The following ADAM12 variants were observed in gnomAD, a reference collection of about 807,000 sequenced individuals.
ADAM12 encodes the protein ADAM metallopeptidase domain 12, also known as disintegrin and metalloproteinase domain-containing protein 12.
ADAM12 carries 70 observed loss-of-function variants against 106.4 expected under a neutral mutation model. That is an observed-to-expected ratio of 0.66 (90% confidence interval 0.54 to 0.80). The LOEUF (loss-of-function observed/expected upper bound fraction) is 0.80, where lower values mean the gene tolerates loss of function less well. Among genes scored for constraint, ADAM12 ranks in the 30% least tolerant of loss-of-function variants. ADAM12 has a pLI of 0.00. For missense variants in ADAM12, 1,010 were observed against 1,171.9 expected, an observed-to-expected ratio of 0.86 and a Z score of 2.02; for synonymous variants, 420 against 433.5, an observed-to-expected ratio of 0.97 and a Z score of 0.39.
chr10:126,326,347 G>A (rs1854302119), intron 2 of ADAM12, among the ~76,000 whole-genome samples: 1 of 152,132 alleles, frequency 6.6e-6, no homozygotes, highest in African/African-American at 2.4e-5. Context: ...AGTATACATA[G>A]TAAGTCAATG....
At chr10:126,098,546 G>A (rs997262700) in intron 9 of ADAM12, 46 bp from the exon 10 acceptor site, 5 of 1,495,278 alleles carry the variant, frequency 3.3e-6, no homozygotes, top group Non-Finnish European at 4.7e-6. Context: ...TTAGAACGGG[G>A]GCATTCTCTA....
At chr10:126,288,690 G>A (rs912509590) in intron 2 of ADAM12, among the ~76,000 whole-genome samples, 19 of 151,790 alleles carry the variant, frequency 1.3e-4, no homozygotes, top group African/African-American at 4.6e-4. Context: ...GTGACGTGGT[G>A]ATCCAGGGAC....
At chr10:126,336,890 T>C (rs556545086) in intron 1 of ADAM12, among the ~76,000 whole-genome samples, 28 of 152,152 alleles carry the variant, frequency 1.8e-4, no homozygotes, top group Non-Finnish European at 3.7e-4. Context: ...CACCACACGC[T>C]CTCAATGACC....
chr10:126,035,022 A>G (rs1954033623), intron 21 of ADAM12, among the ~76,000 whole-genome samples: 1 of 152,166 alleles, frequency 6.6e-6, no homozygotes, highest in Admixed American at 6.5e-5. Context: ...GATGAACTCA[A>G]AGGAGACACA....
At chr10:126,202,399 T>C (rs992924613) in intron 3 of ADAM12, among the ~76,000 whole-genome samples, 2 of 152,242 alleles carry the variant, frequency 1.3e-5, no homozygotes, top group African/African-American at 2.4e-5. Context: ...ATTTAATGAC[T>C]ATCCAATGAC....
At chr10:126,241,978 AAC>A (rs1303763414) in intron 3 of ADAM12, among the ~76,000 whole-genome samples, 1 of 143,814 alleles carries the variant, frequency 7.0e-6, no homozygotes, top group Non-Finnish European at 1.5e-5. Flanking sequence ...TTTTTTTTTT[AAC>A]ACATCAAATA....
At chr10:126,357,232 C>G (rs113016200) in intron 1 of ADAM12, among the ~76,000 whole-genome samples, 3 of 151,784 alleles carry the variant, frequency 2.0e-5, no homozygotes, top group Non-Finnish European at 2.9e-5. Flanking sequence ...ACTTTATATA[C>G]AAAGAAGTCT....
At position 126,013,242 on chromosome 10, in the gene ADAM12, G is replaced by GT. The variant is rs1400138209; in HGVS notation, c.*4036dup. The GT allele has an allele frequency of 6.6e-6, 1 of 152,218 alleles. No homozygotes were observed. The highest frequency in any genetic ancestry group is 1.5e-5 in the Non-Finnish European group (1 of 68,040). 9.4% of individuals were successfully genotyped at this position (152,218 alleles called of 1,614,324 possible). On this transcript the variant is annotated 3_prime_UTR_variant, in exon 23 of 23. Transcript: ENST00000448723. The surrounding 1 kb of genome is among the most constrained non-coding windows in gnomAD (Gnocchi z 4.3). ...AGGAAAGAAAATGGCACATTCACAT[G>GT]TAGGTAAGTAGCTTCTGGAAACATC...
chr10:126,090,174 C>T (rs1955435411), intron 11 of ADAM12, among the ~76,000 whole-genome samples: 1 of 152,022 alleles, frequency 6.6e-6, no homozygotes, highest in Non-Finnish European at 1.5e-5. Context: ...ACAGGCTTGT[C>T]CTGTTCACAG....
chr10:126,039,149 C>G, intron 19 of ADAM12, 145 bp downstream of exon 19: 1 of 892,674 alleles, frequency 1.1e-6, no homozygotes, highest in Non-Finnish European at 1.6e-6. Flanking sequence ...TTAGTAGAGA[C>G]GGGGTTTCAC....
At chr10:126,186,111 G>A (rs1310009810) in intron 3 of ADAM12, among the ~76,000 whole-genome samples, 1 of 152,176 alleles carries the variant, frequency 6.6e-6, no homozygotes, top group African/African-American at 2.4e-5. Flanking sequence ...AAGGGTGCCC[G>A]TTAGCAGGAG....
intron 1 of ADAM12, among the ~76,000 whole-genome samples, chr10:126,387,217 T>A (rs1856694491): frequency 6.6e-6 from 1 of 152,196 alleles, no homozygotes; most frequent in Non-Finnish European, 1.5e-5. Flanking sequence ...CCGGGGAAGT[T>A]GCCGGATTTT....
At chr10:126,018,900 C>T (rs530185192) in intron 22 of ADAM12, among the ~76,000 whole-genome samples, 65 of 152,266 alleles carry the variant, frequency 4.3e-4, no homozygotes, top group Non-Finnish European at 6.2e-4. Flanking sequence ...GCCTCCAACC[C>T]GACTAATGTC....
At chr10:126,258,084 G>A (rs1958927878) in intron 3 of ADAM12, among the ~76,000 whole-genome samples, 1 of 152,122 alleles carries the variant, frequency 6.6e-6, no homozygotes. Flanking sequence ...TATATATCAA[G>A]CATAGAATAA....
chr10:126,065,044 G>C, intron 13 of ADAM12, 43 bp from the exon 14 acceptor site: 1 of 1,556,410 alleles, frequency 6.4e-7, no homozygotes, highest in African/African-American at 1.3e-5. Flanking sequence ...CCCGGGGAAA[G>C]GGAGAGGCAG....
At chr10:126,247,425 A>C (rs1958651921) in intron 3 of ADAM12, among the ~76,000 whole-genome samples, 1 of 152,230 alleles carries the variant, frequency 6.6e-6, no homozygotes, top group African/African-American at 2.4e-5. Context: ...GCCACTAACC[A>C]AATTTCACTC....
At chr10:126,224,575 G>A (rs1240524650) in intron 3 of ADAM12, among the ~76,000 whole-genome samples, 1 of 152,192 alleles carries the variant, frequency 6.6e-6, no homozygotes, top group Admixed American at 6.5e-5. Context: ...GGCGGTGGGG[G>A]CGTTGCACGG....
chr10:126,352,056 C>T (rs1221298319), intron 1 of ADAM12, among the ~76,000 whole-genome samples: 1 of 152,192 alleles, frequency 6.6e-6, no homozygotes, highest in African/African-American at 2.4e-5. Flanking sequence ...GGGCCAGACA[C>T]ACCCAGCTGG....
intron 3 of ADAM12, among the ~76,000 whole-genome samples, chr10:126,174,037 G>A (rs1486335528): frequency 1.5e-4 from 2 of 13,100 alleles, no homozygotes; most frequent in East Asian, 1.2e-3. Context: ...TTTTTTTTTT[G>A]AGATAGAGTC....
Sources: gnomAD v4.1 joint callset for allele counts (sites outside exome capture counted in the v4.1 genomes callset) on GRCh38, gnomAD v4.1.1 for gene constraint, Gnocchi (gnomAD v3.1) non-coding constraint, MANE v1.5 for transcripts, NCBI Gene and HGNC (gene_info 2026-07-23, HGNC 2026-07-21) for gene names.